Variants in DENND2C observed in about 807,000 individuals in gnomAD.
DENND2C encodes the protein DENN domain-containing protein 2C.
In DENND2C, 72 loss-of-function variants were observed where a neutral mutation model predicts 112.4. That is an observed-to-expected ratio of 0.64 (90% CI 0.53 to 0.78). DENND2C has a LOEUF of 0.78. Ranked by LOEUF, DENND2C falls within the 30% of genes least tolerant of loss-of-function variation. The pLI, the probability that DENND2C is intolerant of heterozygous loss-of-function variation, is 0.00. For missense variants in DENND2C, 992 were observed against 1,113.8 expected, an observed-to-expected ratio of 0.89 and a Z score of 1.56; for synonymous variants, 329 against 381.6, an observed-to-expected ratio of 0.86 and a Z score of 1.61.
At chr1:114,656,927 T>C (rs566758234) in intron 1 of DENND2C, among the ~76,000 whole-genome samples, 6 of 151,910 alleles carry the variant, frequency 3.9e-5, no homozygotes, top group Non-Finnish European at 8.8e-5. Flanking sequence ...AACTTTTGTA[T>C]TTTAGTAGGG....
At chr1:114,621,764 C>A (rs1656172170) in intron 7 of DENND2C, 131 bp downstream of exon 7, 3 of 1,211,770 alleles carry the variant, frequency 2.5e-6, no homozygotes, top group Non-Finnish European at 3.4e-6. Context: ...AAACATAACG[C>A]TGCCTTCTAA....
rs1332243579 is a variant in DENND2C, at chr1:114,625,259, A to G, written c.726T>C (p.Ser242=). 17 of 1,614,028 alleles carry G rather than the reference A, an allele frequency of 1.1e-5. No individual in the cohort carries two copies. Among genetic ancestry groups the G allele is most frequent in the African/African-American group, 1.3e-5 (1 of 74,928 alleles). ...NCDKKYCENN[S]CAQSSLASSQ... ...AAGAGGCCAAAGAAGATTGTGCACAAGAGTTATTTTCACAGTATTTTTTGT... is the reference window on the plus strand; with the variant it reads ...AAGAGGCCAAAGAAGATTGTGCACAGGAGTTATTTTCACAGTATTTTTTGT... Residue 242 remains serine, a synonymous_variant, in exon 4 of 21, where the codon TCT becomes TCC. Coordinates refer to ENST00000393274, the MANE Select transcript of DENND2C (RefSeq NM_001256404.2).
intron 12 of DENND2C, 87 bp downstream of exon 12, chr1:114,602,038 T>G: frequency 7.6e-7 from 1 of 1,307,826 alleles, no homozygotes; most frequent in East Asian, 2.3e-5. Context: ...TCCCTCAAAC[T>G]CATCTAGAGA....
At chr1:114,646,019 C>T (rs140937633) in intron 2 of DENND2C, among the ~76,000 whole-genome samples, 1,654 of 152,072 alleles carry the variant, frequency 0.011, 23 homozygotes, top group Middle Eastern at 0.054. Flanking sequence ...CTCTGCCTCC[C>T]GGGTTCACGC....
At chr1:114,591,916 A>ACTCTCTCC (rs1655203547) in intron 18 of DENND2C, among the ~76,000 whole-genome samples, 1 of 150,632 alleles carries the variant, frequency 6.6e-6, no homozygotes, top group Admixed American at 6.6e-5. Flanking sequence ...ACAGGGTCTT[A>ACTCTCTCC]CTCTCTCACC....
In DENND2C at chr1:114,664,322, G is replaced by A. The variant is rs773638126; in HGVS notation, c.-574+5661C>T. Among the ~76,000 whole-genome samples, 74 of 152,176 alleles carry A rather than the reference G, an allele frequency of 4.9e-4. 1 individual carries two copies. The highest frequency in any genetic ancestry group is 2.1e-4 in the South Asian group (1 of 4,822). On this transcript the variant is annotated intron_variant, in intron 1 of 20. Coordinates refer to ENST00000393274, the MANE Select transcript of DENND2C (RefSeq NM_001256404.2). ...TATGCTTTCGAAGCTTTGATTGATT[G>A]TGAACGGAAGCTGGGCACAGTGGCT...
At chr1:114,646,794 A>C (rs1037341702) in intron 2 of DENND2C, among the ~76,000 whole-genome samples, 3 of 152,208 alleles carry the variant, frequency 2.0e-5, no homozygotes, top group African/African-American at 7.2e-5. Flanking sequence ...CTGGTAGATC[A>C]TGAGTCCATA....
chr1:114,635,340 A>G (rs1325806972), intron 3 of DENND2C, among the ~76,000 whole-genome samples: 1 of 152,126 alleles, frequency 6.6e-6, no homozygotes, highest in East Asian at 1.9e-4. Context: ...AAAAATGAGT[A>G]TTAATGAAAT....
chr1:114,624,609 TA>T (rs1469777178), intron 4 of DENND2C, among the ~76,000 whole-genome samples: 1 of 136,758 alleles, frequency 7.3e-6, no homozygotes, highest in Non-Finnish European at 1.5e-5. Context: ...TCCTATAGAT[TA>T]ATTTTCTTTT....
At chr1:114,605,440 G>T (rs897862476) in intron 10 of DENND2C, among the ~76,000 whole-genome samples, 2 of 152,168 alleles carry the variant, frequency 1.3e-5, no homozygotes, top group African/African-American at 2.4e-5. Context: ...CAAAAACCTA[G>T]TCGGCTCAAG....
chr1:114,624,855 A>T (rs763029063), intron 4 of DENND2C, among the ~76,000 whole-genome samples: 47 of 152,196 alleles, frequency 3.1e-4, no homozygotes, highest in Non-Finnish European at 5.0e-4. Flanking sequence ...TCCTGACCTC[A>T]AGTGATCTGC....
chr1:114,599,374 A>G lies in DENND2C; in HGVS notation c.2183T>C (p.Leu728Pro), dbSNP rs760063723. 7.4e-6 allele frequency: 12 copies of G among 1,614,046 alleles called. No homozygotes were observed. Among genetic ancestry groups the G allele is most frequent in the Non-Finnish European group, 1.0e-5 (12 of 1,180,018 alleles). Residue 728 changes from leucine to proline, a missense_variant, in exon 16 of 21, where the codon CTG becomes CCG. By Grantham distance (98) the Leu-to-Pro change is moderately conservative. Transcript: ENST00000393274. ...CACGATGTCAATCATAGATGCTGGC[A>G]GGACTGGGATATAGGTATGCTGCCA... ...FTWQHTYIPVLPASMIDIVCS... is the reference protein window; with the variant it reads ...FTWQHTYIPVPPASMIDIVCS...
chr1:114,630,306 A>G (rs1326259908), intron 3 of DENND2C, among the ~76,000 whole-genome samples: 1 of 149,662 alleles, frequency 6.7e-6, no homozygotes, highest in East Asian at 1.9e-4. Context: ...GATTCGTTCA[A>G]AAAAAAAAAG....
At chr1:114,618,723 C>T (rs1656073548) in intron 7 of DENND2C, among the ~76,000 whole-genome samples, 1 of 152,236 alleles carries the variant, frequency 6.6e-6, no homozygotes, top group Non-Finnish European at 1.5e-5. Context: ...GAACCCAGCA[C>T]AGGCTTTTAG....
chr1:114,596,534 G>A (rs892376969), intron 16 of DENND2C, among the ~76,000 whole-genome samples: 1 of 152,156 alleles, frequency 6.6e-6, no homozygotes, highest in Non-Finnish European at 1.5e-5. Flanking sequence ...TTGAGTTTAT[G>A]TTTAAATATG....
At chr1:114,606,614 G>T (rs578098990) in intron 10 of DENND2C, among the ~76,000 whole-genome samples, 129 of 152,270 alleles carry the variant, frequency 8.5e-4, no homozygotes, top group African/African-American at 2.9e-3. Context: ...AAAATGTGGA[G>T]CCCCTTGTTC....
chr1:114,587,989 TCCTC>T, intron 18 of DENND2C, 37 bp from the exon 19 acceptor site: 1 of 1,567,124 alleles, frequency 6.4e-7, no homozygotes, highest in African/African-American at 1.4e-5. Context: ...GAAAAAAATC[TCCTC>T]AGTTATCTGT....
At chr1:114,638,366 T>C (rs1656712509) in intron 3 of DENND2C, among the ~76,000 whole-genome samples, 1 of 152,202 alleles carries the variant, frequency 6.6e-6, no homozygotes. Flanking sequence ...AAGAAAAAGA[T>C]GTCTTAGGAC....
intron 2 of DENND2C, among the ~76,000 whole-genome samples, chr1:114,651,898 C>G (rs1657176932): frequency 1.3e-5 from 2 of 151,930 alleles, no homozygotes; most frequent in South Asian, 4.1e-4. Flanking sequence ...GTGGAAGTAT[C>G]AGAGCCTAAA....
Sources: allele counts gnomAD v4.1 joint callset (sites outside exome capture counted in the v4.1 genomes callset), GRCh38; gene constraint gnomAD v4.1.1; transcripts MANE v1.5; gene names NCBI Gene and HGNC (gene_info 2026-07-23, HGNC 2026-07-21).